ETV1: variants seen among roughly 807,000 people sequenced by gnomAD.
ETV1 encodes ETS variant transcription factor 1.
In ETV1, 27 loss-of-function variants were observed where a neutral mutation model predicts 62.3. That is an observed-to-expected ratio of 0.43 (90% CI 0.32 to 0.60). ETV1 has a LOEUF of 0.60. ETV1 is among the 20% of genes least tolerant of loss of function. The pLI is 0.06. For missense variants in ETV1, 605 were observed against 605.8 expected (o/e 1.00, Z 0.01); for synonymous variants, 222 against 199.6 (o/e 1.11, Z -0.94).
chr7:13,921,809 T>C (rs1784881501), intron 9 of ETV1, among the ~76,000 whole-genome samples: 1 of 152,144 alleles, frequency 6.6e-6, no homozygotes, highest in Non-Finnish European at 1.5e-5. Flanking sequence ...AGAAAAAATA[T>C]GGGACAGAGG....
At chr7:13,914,555 T>C (rs1179905232) in intron 9 of ETV1, among the ~76,000 whole-genome samples, 1 of 151,760 alleles carries the variant, frequency 6.6e-6, no homozygotes, top group East Asian at 1.9e-4. Context: ...CTAATTTGAT[T>C]AGTTTTCACG....
At chr7:13,914,635 A>G (rs1376301514) in intron 9 of ETV1, among the ~76,000 whole-genome samples, 4 of 152,082 alleles carry the variant, frequency 2.6e-5, no homozygotes, top group African/African-American at 9.7e-5. Flanking sequence ...AAAAAAAAAA[A>G]AAGTTACCTT....
At chr7:13,975,791 G>C (rs1027235584) in intron 6 of ETV1, among the ~76,000 whole-genome samples, 7 of 152,056 alleles carry the variant, frequency 4.6e-5, no homozygotes, top group African/African-American at 1.7e-4. Context: ...AAGCTGAAAA[G>C]AGGTCAAATA....
intron 8 of ETV1, 133 bp downstream of exon 8, chr7:13,935,574 TA>T: frequency 1.5e-6 from 1 of 670,466 alleles, no homozygotes; most frequent in Non-Finnish European, 2.6e-6. Flanking sequence ...GAGCTCTTTC[TA>T]AAAATATTTT....
chr7:13,952,117 C>T (rs62454608), intron 6 of ETV1, among the ~76,000 whole-genome samples: 2,775 of 152,136 alleles, frequency 0.018, 41 homozygotes, highest in Middle Eastern at 0.062. Flanking sequence ...AAGGAAAAAG[C>T]GAAAGGTGTG....
intron 9 of ETV1, among the ~76,000 whole-genome samples, chr7:13,917,692 C>T (rs993695418): frequency 1.3e-5 from 2 of 148,876 alleles, no homozygotes; most frequent in East Asian, 2.2e-4. Context: ...AGGCCGGGCG[C>T]GGTGGCTCAC....
chr7:13,973,397 C>T (rs948383035), intron 6 of ETV1, among the ~76,000 whole-genome samples: 2 of 152,186 alleles, frequency 1.3e-5, no homozygotes, highest in African/African-American at 2.4e-5. Flanking sequence ...ACTAAGCATA[C>T]CCAGACGCAC....
intron 9 of ETV1, among the ~76,000 whole-genome samples, chr7:13,918,656 T>C (rs1381868763): frequency 4.7e-5 from 7 of 148,918 alleles, no homozygotes; most frequent in African/African-American, 1.7e-4. Flanking sequence ...TTCTCACTCA[T>C]AGGTGGGAAC....
At chr7:13,947,186 G>A (rs1459845473) in intron 6 of ETV1, among the ~76,000 whole-genome samples, 1 of 152,158 alleles carries the variant, frequency 6.6e-6, no homozygotes, top group South Asian at 2.1e-4. Context: ...TGTTACAACT[G>A]ACTGGTTAAT....
intron 9 of ETV1, among the ~76,000 whole-genome samples, chr7:13,914,673 A>C (rs968438561): frequency 6.6e-6 from 1 of 151,994 alleles, no homozygotes; most frequent in African/African-American, 2.4e-5. Flanking sequence ...TTGCATTTTC[A>C]AGCTATGCTG....
At chr7:13,964,990 A>G (rs1436425970) in intron 6 of ETV1, among the ~76,000 whole-genome samples, 1 of 152,082 alleles carries the variant, frequency 6.6e-6, no homozygotes, top group Admixed American at 6.6e-5. Context: ...ATTTACTACT[A>G]TAATGGGAAT....
At chr7:13,965,132 T>C (rs1208911052) in intron 6 of ETV1, among the ~76,000 whole-genome samples, 1 of 152,188 alleles carries the variant, frequency 6.6e-6, no homozygotes, top group Non-Finnish European at 1.5e-5. Flanking sequence ...TGAAACATTC[T>C]GGGGCCAAAA....
At chr7:13,912,460 TTAA>T (rs534107386) in intron 9 of ETV1, among the ~76,000 whole-genome samples, 3 of 152,174 alleles carry the variant, frequency 2.0e-5, no homozygotes, top group Non-Finnish European at 4.4e-5. Context: ...TATAACATTC[TTAA>T]TAAATTCTAA....
intron 12 of ETV1, among the ~76,000 whole-genome samples, chr7:13,901,089 C>G (rs1317455304): frequency 6.6e-6 from 1 of 151,804 alleles, no homozygotes; most frequent in Non-Finnish European, 1.5e-5. Context: ...ACTGCAACCT[C>G]CGCCTCCTGT....
intron 13 of ETV1, among the ~76,000 whole-genome samples, chr7:13,897,956 T>A (rs961680352): frequency 1.3e-5 from 2 of 152,214 alleles, no homozygotes; most frequent in Non-Finnish European, 2.9e-5. Context: ...CTGGCTATAC[T>A]TAAAAATTAT....
upstream of ETV1, chr7:13,990,987 G>T (rs1282821424): frequency 2.6e-5 from 4 of 152,408 alleles, no homozygotes; most frequent in East Asian, 5.8e-4. Flanking sequence ...GCAGGAGAAA[G>T]ATCTACTTAA....
At chr7:13,918,755 G>A (rs1185534716) in intron 9 of ETV1, among the ~76,000 whole-genome samples, 3 of 151,522 alleles carry the variant, frequency 2.0e-5, no homozygotes, top group African/African-American at 4.9e-5. Flanking sequence ...GGATAGCATT[G>A]GGAGATATAC....
intron 5 of ETV1, chr7:13,986,161 T>C: frequency 6.3e-7 from 1 of 1,594,896 alleles, no homozygotes; most frequent in African/African-American, 1.3e-5. Flanking sequence ...ACACTTGCAC[T>C]TAAATCTTGA....
chr7:13,978,406 C>T (rs1381289503), intron 5 of ETV1, among the ~76,000 whole-genome samples: 1 of 151,916 alleles, frequency 6.6e-6, no homozygotes, highest in Non-Finnish European at 1.5e-5. Flanking sequence ...CAAACACACA[C>T]ACACACACAC....
Sources: gnomAD v4.1 joint callset for allele counts (sites outside exome capture counted in the v4.1 genomes callset) on GRCh38, gnomAD v4.1.1 for gene constraint, MANE v1.5 for transcripts, NCBI Gene and HGNC (gene_info 2026-07-23, HGNC 2026-07-21) for gene names.